Variants in DOCK7 observed in about 807,000 individuals in gnomAD.
The protein encoded by DOCK7 is dedicator of cytokinesis 7, also known as dedicator of cytokinesis protein 7.
DOCK7 carries 138 observed loss-of-function variants against 271.0 expected under a neutral mutation model. The observed-to-expected ratio is 0.51, with a 90% CI of 0.44 to 0.59. The LOEUF (loss-of-function observed/expected upper bound fraction) is 0.59, where lower values mean the gene tolerates loss of function less well. DOCK7 is among the 20% of genes least tolerant of loss of function. The pLI, the probability that DOCK7 is intolerant of heterozygous loss-of-function variation, is 0.00. For missense variants in DOCK7, 2,066 were observed against 2,592.4 expected, an observed-to-expected ratio of 0.80 and a Z score of 4.41; for synonymous variants, 823 against 876.1, an observed-to-expected ratio of 0.94 and a Z score of 1.07.
chr1:62,553,062 GTCTC>G (rs1218237342), intron 21 of DOCK7, among the ~76,000 whole-genome samples, 161 bp from the exon 22 acceptor site: 1 of 109,234 alleles, frequency 9.2e-6, no homozygotes, highest in African/African-American at 3.6e-5. Flanking sequence ...TTGAGACAGA[GTCTC>G]TCTCTGTTGC....
intron 7 of DOCK7, among the ~76,000 whole-genome samples, chr1:62,636,998 C>T (rs1655354600): frequency 6.6e-6 from 1 of 152,016 alleles, no homozygotes; most frequent in Non-Finnish European, 1.5e-5. Flanking sequence ...ATATTCAATG[C>T]AAAAATCTTA....
chr1:62,580,313 A>G (rs1423746111), intron 16 of DOCK7, among the ~76,000 whole-genome samples: 1 of 152,228 alleles, frequency 6.6e-6, no homozygotes, highest in African/African-American at 2.4e-5. Context: ...TGATGACTTC[A>G]GTGAAAAAAA....
intron 37 of DOCK7, among the ~76,000 whole-genome samples, chr1:62,501,789 T>A (rs1557633892): frequency 6.6e-6 from 1 of 152,114 alleles, no homozygotes; most frequent in Non-Finnish European, 1.5e-5. Context: ...TTTTACTTGA[T>A]GCAAGGTTAT....
chr1:62,457,210 T>C (rs964792148), intron 49 of DOCK7, among the ~76,000 whole-genome samples: 2 of 152,214 alleles, frequency 1.3e-5, no homozygotes, highest in African/African-American at 4.8e-5. Flanking sequence ...AACTTTTTGA[T>C]TCTCAAGTTA....
chr1:62,602,573 A>G (rs1650312914), intron 14 of DOCK7, among the ~76,000 whole-genome samples: 1 of 151,780 alleles, frequency 6.6e-6, no homozygotes, highest in Non-Finnish European at 1.5e-5. Flanking sequence ...TTTGAATTAT[A>G]TTTATCACAA....
chr1:62,652,073 A>G (rs1037851727), intron 4 of DOCK7, among the ~76,000 whole-genome samples: 1 of 152,102 alleles, frequency 6.6e-6, no homozygotes, highest in African/African-American at 2.4e-5. Flanking sequence ...ACAATTACTG[A>G]TCCTAAATAA....
chr1:62,546,275 A>C (rs949415407), intron 22 of DOCK7, among the ~76,000 whole-genome samples: 7 of 152,138 alleles, frequency 4.6e-5, no homozygotes, highest in African/African-American at 7.2e-5. Flanking sequence ...TAAATACTTC[A>C]AGAGAAAATT....
chr1:62,665,306 G>A (rs1177354310), intron 1 of DOCK7, among the ~76,000 whole-genome samples: 1 of 152,034 alleles, frequency 6.6e-6, no homozygotes, highest in Admixed American at 6.5e-5. Flanking sequence ...GGATTTTAAT[G>A]AAGCCTATAT....
At chr1:62,554,639 T>C (rs1384350537) in intron 21 of DOCK7, among the ~76,000 whole-genome samples, 2 of 152,196 alleles carry the variant, frequency 1.3e-5, no homozygotes, top group East Asian at 1.9e-4. Flanking sequence ...GCAAATGATA[T>C]TAATACATAC....
chr1:62,686,638 G>T (rs1431213625), intron 1 of DOCK7, among the ~76,000 whole-genome samples: 2 of 151,974 alleles, frequency 1.3e-5, no homozygotes, highest in Non-Finnish European at 2.9e-5. Context: ...ACTATCCTAC[G>T]CACATTACAC....
intron 43 of DOCK7, among the ~76,000 whole-genome samples, chr1:62,481,070 T>G (rs1459950794): frequency 6.6e-6 from 1 of 150,856 alleles, no homozygotes; most frequent in Non-Finnish European, 1.5e-5. Context: ...CAGGGTAGGT[T>G]TCATCTGAGC....
At chr1:62,491,793 TTC>T (rs1462813032) in intron 41 of DOCK7, among the ~76,000 whole-genome samples, 2 of 152,172 alleles carry the variant, frequency 1.3e-5, no homozygotes, top group African/African-American at 2.4e-5. Flanking sequence ...CTCAGAGACT[TTC>T]TGTTTTGTTT....
intron 16 of DOCK7, among the ~76,000 whole-genome samples, 176 bp downstream of exon 16, chr1:62,583,008 T>G (rs1647184147): frequency 6.6e-6 from 1 of 152,236 alleles, no homozygotes; most frequent in South Asian, 2.1e-4. Context: ...CAAAGTCATA[T>G]TTGGGATGTC....
At chr1:62,633,448 C>T (rs1654872558) in intron 10 of DOCK7, 50 bp downstream of exon 10, 7 of 1,378,212 alleles carry the variant, frequency 5.1e-6, no homozygotes, top group Admixed American at 1.8e-5. Flanking sequence ...AGTATTCTCC[C>T]AAGTTACAAT....
chr1:62,495,418 C>T, intron 39 of DOCK7, 163 bp downstream of exon 39: 1 of 457,800 alleles, frequency 2.2e-6, no homozygotes. Context: ...ATGGTAAAAC[C>T]CCATCTCTAC....
chr1:62,536,572 T>C (rs1314601454), intron 28 of DOCK7, among the ~76,000 whole-genome samples: 2 of 152,082 alleles, frequency 1.3e-5, no homozygotes, highest in East Asian at 1.9e-4. Context: ...TGTGGAAAAA[T>C]AGGCTGATCC....
At chr1:62,476,187 G>T in intron 44 of DOCK7, 31 bp from the exon 45 acceptor site, 2 of 1,587,594 alleles carry the variant, frequency 1.3e-6, no homozygotes, top group South Asian at 1.1e-5. Context: ...CATTTTATAT[G>T]AAGTTAAAAA....
chr1:62,507,692 TATAA>T (rs1646983511), intron 35 of DOCK7, among the ~76,000 whole-genome samples: 1 of 152,166 alleles, frequency 6.6e-6, no homozygotes, highest in African/African-American at 2.4e-5. Context: ...AACTTCCACC[TATAA>T]ATACTCAGAG....
intron 48 of DOCK7, among the ~76,000 whole-genome samples, chr1:62,461,662 C>A (rs1645530826): frequency 1.9e-5 from 2 of 105,502 alleles, no homozygotes; most frequent in Admixed American, 9.7e-5. Flanking sequence ...CACAGTGAGA[C>A]CCCATCTCAA....
Sources: gnomAD v4.1 joint callset for allele counts (sites outside exome capture counted in the v4.1 genomes callset) on GRCh38, gnomAD v4.1.1 for gene constraint, MANE v1.5 for transcripts, NCBI Gene and HGNC (gene_info 2026-07-23, HGNC 2026-07-21) for gene names.